Variants in WWOX observed in about 807,000 individuals in gnomAD.
WWOX encodes the protein WW domain-containing oxidoreductase.
WWOX carries 69 observed loss-of-function variants against 46.2 expected under a neutral mutation model. The ratio of observed to expected loss-of-function variants is 1.49; its 90% CI spans 1.23 to 1.82. The LOEUF (loss-of-function observed/expected upper bound fraction) is 1.82, where lower values mean the gene tolerates loss of function less well. Among genes scored for constraint, WWOX ranks in the 40% most tolerant of loss-of-function variants. The pLI, the probability that WWOX is intolerant of heterozygous loss-of-function variation, is 0.00. For missense variants in WWOX, 919 were observed against 542.6 expected (o/e 1.69, Z -6.89); for synonymous variants, 359 against 202.6 (o/e 1.77, Z -6.56).
At chr16:78,686,230 G>T (rs1055000643) in intron 8 of WWOX, among the ~76,000 whole-genome samples, 2 of 152,152 alleles carry the variant, frequency 1.3e-5, no homozygotes. Context: ...TCTGTTAGAA[G>T]GCCAGGCGCG....
At chr16:78,635,735 C>G (rs148774216) in intron 8 of WWOX, among the ~76,000 whole-genome samples, 2 of 152,148 alleles carry the variant, frequency 1.3e-5, no homozygotes, top group African/African-American at 4.8e-5. Flanking sequence ...ATGTCGTCAT[C>G]GTCCTTATGA....
At chr16:78,477,419 A>G (rs1418726749) in intron 8 of WWOX, among the ~76,000 whole-genome samples, 1 of 151,822 alleles carries the variant, frequency 6.6e-6, no homozygotes, top group East Asian at 1.9e-4. Context: ...TTACTGTGTA[A>G]TTTGCATGCT....
At chr16:78,635,749 G>C (rs775054827) in intron 8 of WWOX, among the ~76,000 whole-genome samples, 3 of 152,136 alleles carry the variant, frequency 2.0e-5, no homozygotes, top group Non-Finnish European at 4.4e-5. Context: ...CTTATGAAAA[G>C]CCCTGGGCAT....
chr16:78,767,500 G>GTT (rs1164082339), intron 8 of WWOX, among the ~76,000 whole-genome samples: 4 of 151,822 alleles, frequency 2.6e-5, no homozygotes, highest in Admixed American at 2.6e-4. Flanking sequence ...GTGTGTGTGT[G>GTT]TGTGTGTGTT....
Position 78,227,232 on chromosome 16 carries a change from G to A in WWOX, c.516+62943G>A, listed in dbSNP as rs189170552. ...TAAGTTTACCTCTTGCGAATTGTAC[G>A]CTTTAAGGTTAAGGAATTCGTAGTT... is the stretch of plus-strand genomic sequence containing the variant. On this transcript the variant is annotated intron_variant, in intron 5 of 8. Transcript: ENST00000566780. 2.0e-4 allele frequency among the ~76,000 whole-genome samples: 30 copies of A among 152,202 alleles called. No homozygotes were observed. In the East Asian group the frequency reaches 3.7e-3, roughly 19 times the overall value.
intron 6 of WWOX, among the ~76,000 whole-genome samples, chr16:78,420,979 C>A (rs1003454839): frequency 6.6e-6 from 1 of 151,980 alleles, no homozygotes; most frequent in East Asian, 1.9e-4. Flanking sequence ...AGTTTGGGAA[C>A]CTCTGGCTTA....
chr16:78,234,586 C>T (rs927534347), intron 5 of WWOX, among the ~76,000 whole-genome samples: 4 of 152,148 alleles, frequency 2.6e-5, no homozygotes, highest in African/African-American at 7.2e-5. Context: ...TGGAAAACTC[C>T]TAGACTTGAA....
chr16:78,146,514 C>T (rs1182514409), intron 4 of WWOX, among the ~76,000 whole-genome samples: 1 of 152,094 alleles, frequency 6.6e-6, no homozygotes, highest in Non-Finnish European at 1.5e-5. Context: ...CACATTCACA[C>T]AAGCAGGTGC....
chr16:78,202,373 T>TACG (rs2036257695), intron 5 of WWOX, among the ~76,000 whole-genome samples: 2 of 152,214 alleles, frequency 1.3e-5, no homozygotes, highest in South Asian at 4.1e-4. Context: ...CTTTTCCAGG[T>TACG]ACGTAGCTGG....
At chr16:78,309,074 C>G (rs1255693584) in intron 5 of WWOX, among the ~76,000 whole-genome samples, 1 of 152,120 alleles carries the variant, frequency 6.6e-6, no homozygotes, top group Non-Finnish European at 1.5e-5. Context: ...CTCTTGTAAC[C>G]AATTACCAAT....
intron 8 of WWOX, among the ~76,000 whole-genome samples, chr16:78,835,939 A>G (rs2051969866): frequency 6.6e-6 from 1 of 152,222 alleles, no homozygotes; most frequent in Non-Finnish European, 1.5e-5. Flanking sequence ...GACTAACAAC[A>G]AGGAAATATA....
intron 5 of WWOX, among the ~76,000 whole-genome samples, chr16:78,351,822 A>C (rs2081189563): frequency 6.6e-6 from 1 of 152,020 alleles, no homozygotes; most frequent in South Asian, 2.1e-4. Flanking sequence ...AGGCCCAGCT[A>C]ATTTTTATAT....
At chr16:78,422,024 A>G (rs1267958023) in intron 6 of WWOX, among the ~76,000 whole-genome samples, 3 of 152,256 alleles carry the variant, frequency 2.0e-5, no homozygotes, top group African/African-American at 7.2e-5. Context: ...CTAATTTGAT[A>G]GAAAATATTT....
At chr16:78,175,266 G>A (rs1009534927) in intron 5 of WWOX, among the ~76,000 whole-genome samples, 1 of 152,068 alleles carries the variant, frequency 6.6e-6, no homozygotes. Context: ...CCCTTAGGTG[G>A]AAGATGCAGC....
chr16:79,087,988 C>T (rs1293071224), intron 8 of WWOX, among the ~76,000 whole-genome samples: 1 of 152,160 alleles, frequency 6.6e-6, no homozygotes, highest in African/African-American at 2.4e-5. Flanking sequence ...TGGCTTCTCT[C>T]TTCCATTCTA....
rs2082535970 is a variant in WWOX, at chr16:78,406,310, ATATATATATATATATATATATATATAT to A, written c.606-18559_606-18533del. ...TTACAGCATATAAATATAAATATAT[ATATATATATATATATATATATATATAT>A]ATATATATATATATATATTTTATTA... On this transcript the variant is annotated intron_variant, in intron 6 of 8. Coordinates refer to ENST00000566780, the MANE Select transcript of WWOX (RefSeq NM_016373.4). Among the ~76,000 whole-genome samples, 13 of 33,448 alleles carry A rather than the reference ATATATATATATATATATATATATATAT, an allele frequency of 3.9e-4. 1 individual carries two copies. Among genetic ancestry groups the A allele is most frequent in the African/African-American group, 5.8e-4 (2 of 3,438 alleles). 21.9% of individuals were successfully genotyped at this position (33,448 alleles called of 152,430 possible). A position where few individuals can be genotyped will look rare whatever the true frequency, so the allele number is the denominator to read the frequency against.
chr16:78,107,615 T>G (rs1329622159), intron 1 of WWOX, among the ~76,000 whole-genome samples: 3 of 150,388 alleles, frequency 2.0e-5, no homozygotes, highest in Non-Finnish European at 4.4e-5. Context: ...CTTAACTACC[T>G]CTTGGGACCA....
intron 5 of WWOX, among the ~76,000 whole-genome samples, chr16:78,242,193 T>C (rs2037673425): frequency 6.6e-6 from 1 of 152,258 alleles, no homozygotes; most frequent in African/African-American, 2.4e-5. Context: ...TTTTCTTTAA[T>C]GGGCTAAACA....
intron 8 of WWOX, among the ~76,000 whole-genome samples, chr16:78,661,084 G>C (rs555122039): frequency 6.6e-6 from 1 of 152,292 alleles, no homozygotes; most frequent in East Asian, 1.9e-4. Context: ...ATATTGGGAG[G>C]GAGGATTTCC....
Sources: gnomAD v4.1 joint callset for allele counts (sites outside exome capture counted in the v4.1 genomes callset) on GRCh38, gnomAD v4.1.1 for gene constraint, MANE v1.5 for transcripts, NCBI Gene and HGNC (gene_info 2026-07-23, HGNC 2026-07-21) for gene names.